The following CSMD1 variants were observed in gnomAD, a reference collection of about 807,000 sequenced individuals.
The protein encoded by CSMD1 is CUB and Sushi multiple domains 1, also known as CUB and sushi domain-containing protein 1.
Under a neutral mutation model 417.5 loss-of-function variants are expected in CSMD1, and 213 were observed. That is an observed-to-expected ratio of 0.51 (90% confidence interval 0.46 to 0.57). CSMD1 has a LOEUF of 0.57. Ranked by LOEUF, CSMD1 falls within the 20% of genes least tolerant of loss-of-function variation. CSMD1 has a pLI of 0.00. For synonymous variants in CSMD1, 2,862 were observed against 1,736.8 expected, an observed-to-expected ratio of 1.65 and a Z score of -16.11; for missense variants, 6,923 against 4,529.7, an observed-to-expected ratio of 1.53 and a Z score of -15.17.
At chr8:4,269,331 G>A (rs1405769413) in intron 3 of CSMD1, among the ~76,000 whole-genome samples, 2 of 152,146 alleles carry the variant, frequency 1.3e-5, no homozygotes, top group Non-Finnish European at 2.9e-5. Flanking sequence ...CCCCCAAAGT[G>A]CTGGGATTAC....
At chr8:4,050,792 A>C (rs547769337) in intron 3 of CSMD1, among the ~76,000 whole-genome samples, 73 of 152,306 alleles carry the variant, frequency 4.8e-4, no homozygotes, top group Non-Finnish European at 9.3e-4. Context: ...AGAGTCCCTG[A>C]AACGGTGAAT....
chr8:3,288,216 T>G (rs1803296981), intron 25 of CSMD1, among the ~76,000 whole-genome samples: 1 of 147,486 alleles, frequency 6.8e-6, no homozygotes, highest in Admixed American at 6.7e-5. Context: ...AGTATTTTAT[T>G]GAGGATTTTT....
At chr8:4,290,325 G>A (rs760312037) in intron 3 of CSMD1, among the ~76,000 whole-genome samples, 2 of 152,162 alleles carry the variant, frequency 1.3e-5, no homozygotes, top group Non-Finnish European at 2.9e-5. Flanking sequence ...GGTCGTGTTT[G>A]AATTTCTACA....
intron 8 of CSMD1, among the ~76,000 whole-genome samples, chr8:3,601,955 C>G (rs925149964): frequency 1.3e-5 from 2 of 152,056 alleles, no homozygotes; most frequent in African/African-American, 2.4e-5. Context: ...TTCCCAGGAA[C>G]AGGAAGTACA....
At chr8:3,568,932 T>C (rs986950702) in intron 10 of CSMD1, among the ~76,000 whole-genome samples, 7 of 152,174 alleles carry the variant, frequency 4.6e-5, no homozygotes, top group Non-Finnish European at 8.8e-5. Context: ...GAGAGAATTT[T>C]ATCTTAATTA....
chr8:4,789,574 C>T (rs1041030126), intron 1 of CSMD1, among the ~76,000 whole-genome samples: 5 of 152,154 alleles, frequency 3.3e-5, no homozygotes, highest in African/African-American at 9.7e-5. Context: ...CACAATCTGG[C>T]ACCCTAGGTT....
intron 5 of CSMD1, among the ~76,000 whole-genome samples, chr8:3,983,877 T>C (rs1368138653): frequency 1.3e-5 from 2 of 151,208 alleles, no homozygotes; most frequent in Non-Finnish European, 2.9e-5. Context: ...ACAGCAGATC[T>C]AATGGGACTG....
intron 3 of CSMD1, among the ~76,000 whole-genome samples, chr8:4,077,307 A>ATATATGTGTG (rs1554439913): frequency 8.5e-5 from 12 of 141,512 alleles, no homozygotes; most frequent in Non-Finnish European, 1.8e-4. Context: ...GTATATATAT[A>ATATATGTGTG]TATATATATA....
In CSMD1 at chr8:3,295,964, G is replaced by C. The variant is rs191302430; in HGVS notation, c.3951-11618C>G. ...ATCTGCCAAGTTGAGTCCTGCCTTC[G>C]TGGAGTTCGTGTTGTACAGGGAAGA... On this transcript the variant is annotated intron_variant, in intron 25 of 69. Coordinates refer to ENST00000635120, the MANE Select transcript of CSMD1 (RefSeq NM_033225.6). 2.6e-5 allele frequency among the ~76,000 whole-genome samples: 4 copies of C among 152,050 alleles called. No homozygotes were observed. In the South Asian group the frequency reaches 8.3e-4, roughly 32 times the overall value.
chr8:3,787,163 G>C (rs2623668), intron 5 of CSMD1, among the ~76,000 whole-genome samples: 1 of 151,982 alleles, frequency 6.6e-6, no homozygotes, highest in Non-Finnish European at 1.5e-5. Context: ...TAATCAGGTA[G>C]CTTTCACTTT....
chr8:3,629,102 G>A (rs1390886609), intron 7 of CSMD1, among the ~76,000 whole-genome samples: 3 of 152,138 alleles, frequency 2.0e-5, no homozygotes, highest in Admixed American at 6.5e-5. Context: ...GGAAGAAGGG[G>A]TGTGCAGAGG....
In CSMD1 at chr8:3,122,641, C is replaced by G. The variant is rs575993258; in HGVS notation, c.6242-4054G>C. Among the ~76,000 whole-genome samples the G allele has an allele frequency of 1.7e-4, 26 of 152,266 alleles. No homozygotes were observed. In the East Asian group the frequency reaches 3.7e-3, roughly 21 times the overall value. On this transcript the variant is annotated intron_variant, in intron 41 of 69. Coordinates refer to ENST00000635120, the MANE Select transcript of CSMD1 (RefSeq NM_033225.6). ...TTCTCGTGATAGTGAATGAGTCTCACGAGAGCTGATGCTTTTATCAGGGGT... is the reference window on the plus strand; with the variant it reads ...TTCTCGTGATAGTGAATGAGTCTCAGGAGAGCTGATGCTTTTATCAGGGGT...
chr8:3,654,260 G>A (rs1197681524), intron 7 of CSMD1, among the ~76,000 whole-genome samples: 1 of 152,104 alleles, frequency 6.6e-6, no homozygotes, highest in African/African-American at 2.4e-5. Context: ...TATTTAAAAT[G>A]ACATTCTTAG....
intron 1 of CSMD1, among the ~76,000 whole-genome samples, chr8:4,781,454 G>C (rs1394916350): frequency 6.6e-6 from 1 of 152,192 alleles, no homozygotes; most frequent in Non-Finnish European, 1.5e-5. Flanking sequence ...CATCTTATCT[G>C]ATGTTTAGCA....
intron 25 of CSMD1, among the ~76,000 whole-genome samples, chr8:3,294,578 T>A (rs1013559122): frequency 6.6e-6 from 1 of 152,134 alleles, no homozygotes; most frequent in African/African-American, 2.4e-5. Context: ...ACTGCTGTGC[T>A]AGCAATGAGT....
At chr8:4,449,956 T>C (rs1170830964) in intron 2 of CSMD1, among the ~76,000 whole-genome samples, 1 of 152,180 alleles carries the variant, frequency 6.6e-6, no homozygotes, top group African/African-American at 2.4e-5. Context: ...TTGCTCTTTT[T>C]CTTGTTTTTC....
At chr8:3,434,723 A>G (rs1265052048) in intron 12 of CSMD1, among the ~76,000 whole-genome samples, 1 of 152,162 alleles carries the variant, frequency 6.6e-6, no homozygotes, top group Non-Finnish European at 1.5e-5. Context: ...GCTGAATAAA[A>G]TCACTAATTT....
chr8:3,330,375 G>A (rs1585009505), intron 23 of CSMD1, among the ~76,000 whole-genome samples: 1 of 152,186 alleles, frequency 6.6e-6, no homozygotes, highest in African/African-American at 2.4e-5. Context: ...ACTGGATAAA[G>A]AAAGTATGGT....
intron 8 of CSMD1, among the ~76,000 whole-genome samples, chr8:3,605,309 A>T (rs2083456196): frequency 6.6e-6 from 1 of 152,186 alleles, no homozygotes; most frequent in Non-Finnish European, 1.5e-5. Flanking sequence ...TCTTACTGAA[A>T]AGAACACCAC....
Sources: allele counts gnomAD v4.1 joint callset (sites outside exome capture counted in the v4.1 genomes callset), GRCh38; gene constraint gnomAD v4.1.1; transcripts MANE v1.5; gene names NCBI Gene and HGNC (gene_info 2026-07-23, HGNC 2026-07-21).